Variants in PHACTR1 observed in about 807,000 individuals in gnomAD.
PHACTR1 encodes the protein phosphatase and actin regulator 1, also known as RPEL repeat containing 1.
A neutral mutation model predicts 69.2 loss-of-function variants in PHACTR1; 16 were observed. That is an observed-to-expected ratio of 0.23 (90% confidence interval 0.16 to 0.35). The LOEUF (loss-of-function observed/expected upper bound fraction) is 0.35. PHACTR1 is among the 10% of genes least tolerant of loss of function. The pLI is 1.00. For synonymous variants in PHACTR1, 312 were observed against 284.5 expected (o/e 1.10, Z -0.97); for missense variants, 510 against 734.7 (o/e 0.69, Z 3.54).
At chr6:12,858,001 A>T (rs1262396158) in intron 4 of PHACTR1, among the ~76,000 whole-genome samples, 2 of 152,204 alleles carry the variant, frequency 1.3e-5, no homozygotes, top group African/African-American at 2.4e-5. Context: ...CGTTCCAGGC[A>T]TTTGAGAGGT....
intron 4 of PHACTR1, among the ~76,000 whole-genome samples, chr6:12,999,203 T>A (rs1023484357): frequency 1.3e-5 from 2 of 152,218 alleles, no homozygotes; most frequent in African/African-American, 2.4e-5. Flanking sequence ...AATAACCCTC[T>A]GTAAGGGTTG....
intron 5 of PHACTR1, among the ~76,000 whole-genome samples, chr6:13,151,853 G>T (rs903513562): frequency 7.2e-5 from 11 of 151,990 alleles, no homozygotes; most frequent in African/African-American, 2.7e-4. Context: ...AAAGTGAAAA[G>T]GACTGTTTTC....
chr6:13,234,242 G>C (rs532085764), intron 10 of PHACTR1, among the ~76,000 whole-genome samples: 1 of 152,224 alleles, frequency 6.6e-6, no homozygotes, highest in East Asian at 1.9e-4. Flanking sequence ...TTCTGGCTCT[G>C]ATTCTTTCAT....
intron 5 of PHACTR1, among the ~76,000 whole-genome samples, chr6:13,159,775 A>G (rs775765090): frequency 1.3e-5 from 2 of 152,198 alleles, no homozygotes; most frequent in Non-Finnish European, 2.9e-5. Flanking sequence ...CCCCGTCTCT[A>G]CTAAAAATAC....
At chr6:12,947,644 C>T (rs187644809) in intron 4 of PHACTR1, among the ~76,000 whole-genome samples, 1 of 152,246 alleles carries the variant, frequency 6.6e-6, no homozygotes, top group East Asian at 1.9e-4. Flanking sequence ...ATTATATGAC[C>T]TTTGGGGAAA....
At chr6:13,045,971 C>T (rs1804963133) in intron 4 of PHACTR1, among the ~76,000 whole-genome samples, 1 of 152,170 alleles carries the variant, frequency 6.6e-6, no homozygotes, top group South Asian at 2.1e-4. Flanking sequence ...TCCACCACTC[C>T]CAGACCACAG....
At chr6:13,184,810 A>T in intron 7 of PHACTR1, 1 of 1,366,434 alleles carries the variant, frequency 7.3e-7, no homozygotes, top group Non-Finnish European at 9.8e-7. Context: ...GTCTGAAGAG[A>T]GTCCCTCTGC....
At chr6:12,975,990 A>T (rs1487478196) in intron 4 of PHACTR1, among the ~76,000 whole-genome samples, 1 of 152,208 alleles carries the variant, frequency 6.6e-6, no homozygotes, top group African/African-American at 2.4e-5. Flanking sequence ...TTTTAGAAAT[A>T]TATGGGGCGG....
chr6:12,861,457 C>A (rs1255321037), intron 4 of PHACTR1, among the ~76,000 whole-genome samples: 1 of 152,128 alleles, frequency 6.6e-6, no homozygotes, highest in African/African-American at 2.4e-5. Flanking sequence ...GGCATTTTAG[C>A]CATGTGTTGT....
intron 4 of PHACTR1, among the ~76,000 whole-genome samples, chr6:12,942,334 C>T (rs1370427456): frequency 6.6e-6 from 1 of 152,158 alleles, no homozygotes; most frequent in Admixed American, 6.5e-5. Context: ...GTAGTAGAAA[C>T]ACAATACAAG....
At chr6:13,239,077 G>A (rs34275015) in intron 10 of PHACTR1, among the ~76,000 whole-genome samples, 20,027 of 152,060 alleles carry the variant, frequency 0.13, 1,868 homozygotes, top group Admixed American at 0.24. Flanking sequence ...CACAGCTTAG[G>A]GGGCACAGGA....
intron 4 of PHACTR1, among the ~76,000 whole-genome samples, chr6:12,830,815 C>T (rs1439135804): frequency 2.0e-5 from 3 of 151,826 alleles, no homozygotes; most frequent in Admixed American, 6.6e-5. Flanking sequence ...AGGCTGGTCT[C>T]GAACTCCCAA....
chr6:12,763,770 T>C (rs2127614846), intron 4 of PHACTR1, among the ~76,000 whole-genome samples: 1 of 152,348 alleles, frequency 6.6e-6, no homozygotes, highest in Non-Finnish European at 1.5e-5. Flanking sequence ...CTCACCAATT[T>C]ATTTGCACAA....
At chr6:13,065,431 C>G (rs972238828) in intron 5 of PHACTR1, among the ~76,000 whole-genome samples, 6 of 151,886 alleles carry the variant, frequency 4.0e-5, no homozygotes, top group South Asian at 2.1e-4. Flanking sequence ...TCCACCCTGG[C>G]AGATCTTGAC....
At chr6:13,149,582 G>A (rs1823991483) in intron 5 of PHACTR1, among the ~76,000 whole-genome samples, 1 of 152,192 alleles carries the variant, frequency 6.6e-6, no homozygotes, top group African/African-American at 2.4e-5. Flanking sequence ...TTGGGCGTCT[G>A]TGTTGGAAAT....
intron 4 of PHACTR1, among the ~76,000 whole-genome samples, chr6:12,883,662 C>A (rs1013938065): frequency 1.3e-5 from 2 of 152,090 alleles, no homozygotes; most frequent in South Asian, 2.1e-4. Context: ...CTGGGGATGG[C>A]TCAGGTCCTG....
At chr6:13,025,697 G>A (rs1801591903) in intron 4 of PHACTR1, among the ~76,000 whole-genome samples, 1 of 151,876 alleles carries the variant, frequency 6.6e-6, no homozygotes, top group African/African-American at 2.4e-5. Context: ...GTGTGTGTGT[G>A]TGTGTGTGTG....
chr6:12,805,384 G>A (rs898846965), intron 4 of PHACTR1, among the ~76,000 whole-genome samples: 1 of 152,176 alleles, frequency 6.6e-6, no homozygotes, highest in Admixed American at 6.5e-5. Flanking sequence ...ACACGTTTGT[G>A]TAGCTTTAAA....
At chr6:12,989,552 T>C (rs1211856712) in intron 4 of PHACTR1, among the ~76,000 whole-genome samples, 1 of 152,192 alleles carries the variant, frequency 6.6e-6, no homozygotes, top group Non-Finnish European at 1.5e-5. Context: ...ACTCCCATAT[T>C]GGTGACTTTC....
Sources: allele counts gnomAD v4.1 joint callset (sites outside exome capture counted in the v4.1 genomes callset), GRCh38; gene constraint gnomAD v4.1.1; transcripts MANE v1.5; gene names NCBI Gene and HGNC (gene_info 2026-07-23, HGNC 2026-07-21).